Variants in LOXL2 observed in about 807,000 individuals in gnomAD.
LOXL2 encodes lysyl oxidase like 2, also known as lysyl oxidase homolog 2.
LOXL2 carries 70 observed loss-of-function variants against 93.0 expected under a neutral mutation model. The observed-to-expected ratio is 0.75, with a 90% CI of 0.62 to 0.92. The LOEUF (loss-of-function observed/expected upper bound fraction) is 0.92, where lower values mean the gene tolerates loss of function less well. Ranked by LOEUF, LOXL2 falls within the 40% of genes least tolerant of loss-of-function variation. The pLI is 0.00. For missense variants in LOXL2, 973 were observed against 1,054.9 expected (o/e 0.92, Z 1.08); for synonymous variants, 438 against 413.2 (o/e 1.06, Z -0.73).
Position 23,322,150 on chromosome 8 carries a change from C to A in LOXL2, c.1282G>T (p.Ala428Ser), listed in dbSNP as rs1172037626. 6.2e-7 allele frequency: 1 copy of A among 1,614,182 alleles called. No homozygotes were observed. Among genetic ancestry groups the A allele is most frequent in the East Asian group, 2.2e-5 (1 of 44,888 alleles). Residue 428 changes from alanine (A) to serine (S), a missense_variant, in exon 7 of 14, where the codon GCC (alanine) becomes TCC (serine). Physicochemically the swap from Ala to Ser is moderately conservative, Grantham distance 99. Coordinates refer to ENST00000389131, the MANE Select transcript of LOXL2 (RefSeq NM_002318.3). ...ATCACCTTCTTCTGCAAGCCCATGGCAGGGGTGTTGCATCTCACACCAGCA... is the reference window on the plus strand; with the variant it reads ...ATCACCTTCTTCTGCAAGCCCATGGAAGGGGTGTTGCATCTCACACCAGCA... Reference protein sequence around the residue: ...EDAGVRCNTPAMGLQKKLRLN... With the variant: ...EDAGVRCNTPSMGLQKKLRLN...
intron 5 of LOXL2, chr8:23,328,992 C>G (rs1803632855): frequency 5.7e-6 from 1 of 176,826 alleles, no homozygotes; most frequent in Admixed American, 6.1e-5. Context: ...TCTGCAGATT[C>G]CAAATGGATA....
At chr8:23,351,924 C>G (rs897291889) in intron 3 of LOXL2, among the ~76,000 whole-genome samples, 1 of 152,180 alleles carries the variant, frequency 6.6e-6, no homozygotes, top group Non-Finnish European at 1.5e-5. Flanking sequence ...CTCCTGGGTT[C>G]AAGCGATTCT....
At chr8:23,371,966 G>C (rs1804503331) in intron 1 of LOXL2, among the ~76,000 whole-genome samples, 2 of 151,718 alleles carry the variant, frequency 1.3e-5, no homozygotes, top group Admixed American at 6.6e-5. Context: ...TGAAAGAAAA[G>C]TACAACTAAC....
intron 5 of LOXL2, among the ~76,000 whole-genome samples, chr8:23,332,583 T>TC (rs200165321): frequency 1.9e-4 from 6 of 32,418 alleles, no homozygotes; most frequent in Admixed American, 4.5e-4. Flanking sequence ...CACGCACACA[T>TC]CCCCCCCAGA....
At chr8:23,345,622 C>A (rs1243617653) in intron 3 of LOXL2, among the ~76,000 whole-genome samples, 1 of 152,242 alleles carries the variant, frequency 6.6e-6, no homozygotes, top group Non-Finnish European at 1.5e-5. Context: ...CTTTACTTCA[C>A]TGCTGTGGAA....
chr8:23,318,868 AG>A (rs1259288301), intron 8 of LOXL2, among the ~76,000 whole-genome samples: 1 of 152,240 alleles, frequency 6.6e-6, no homozygotes, highest in Admixed American at 6.5e-5. Flanking sequence ...GCCACAGGGC[AG>A]GGGATCCCAG....
chr8:23,362,593 G>T (rs979650069), intron 2 of LOXL2, among the ~76,000 whole-genome samples: 3 of 152,088 alleles, frequency 2.0e-5, no homozygotes, highest in Admixed American at 6.5e-5. Flanking sequence ...ATTTAGCTGG[G>T]CATGGTGGCG....
intron 1 of LOXL2, among the ~76,000 whole-genome samples, chr8:23,387,955 A>G (rs1261472991): frequency 1.3e-5 from 2 of 152,220 alleles, no homozygotes; most frequent in African/African-American, 4.8e-5. Flanking sequence ...GTCTCAAACA[A>G]ACAAACAAAA....
intron 10 of LOXL2, among the ~76,000 whole-genome samples, chr8:23,309,046 G>A (rs1374253093): frequency 4.6e-5 from 7 of 150,648 alleles, no homozygotes; most frequent in African/African-American, 1.7e-4. Context: ...GTGTGGTGGC[G>A]TGATCTCAGC....
At position 23,309,709 on chromosome 8, in the gene LOXL2, G is replaced by A; in HGVS notation, c.1839C>T (p.Pro613=). ...IHNNGQSDFR[P]KNGRHAWIWH... ...AGATCCACGCGTGGCGGCCGTTCTT[G>A]GGCCGGAAGTCGGACTGGCCATTGT... is the stretch of plus-strand genomic sequence containing the variant. The change falls in exon 10 of 14, where the codon CCC becomes CCT. Residue 613 remains proline, a synonymous_variant. Coordinates refer to ENST00000389131, the MANE Select transcript of LOXL2 (RefSeq NM_002318.3). 1 of 1,566,218 alleles carries A rather than the reference G, an allele frequency of 6.4e-7. No homozygotes were observed. The highest frequency in any genetic ancestry group is 8.7e-7 in the Non-Finnish European group (1 of 1,154,506).
At chr8:23,396,375 T>G (rs1585385947) in intron 1 of LOXL2, among the ~76,000 whole-genome samples, 1 of 148,864 alleles carries the variant, frequency 6.7e-6, no homozygotes, top group African/African-American at 2.5e-5. Flanking sequence ...AGAGATCAGG[T>G]GGGAAGGGAA....
At chr8:23,303,239 G>T in intron 11 of LOXL2, 43 bp downstream of exon 11, 3 of 1,226,350 alleles carry the variant, frequency 2.4e-6, no homozygotes, top group Non-Finnish European at 2.4e-6. Context: ...AGAGGCATTC[G>T]AGTCCCTCTG....
intron 1 of LOXL2, 28 bp from the exon 2 acceptor site, chr8:23,368,462 TG>T: frequency 1.2e-6 from 1 of 850,498 alleles, no homozygotes; most frequent in Non-Finnish European, 1.9e-6. Flanking sequence ...TGCGTTAGGA[TG>T]GGAACGTGGG....
chr8:23,386,114 A>G, intron 1 of LOXL2: 1 of 751,130 alleles, frequency 1.3e-6, no homozygotes, highest in Non-Finnish European at 2.4e-6. Context: ...AAAGTGATCA[A>G]GCTGGAATTT....
intron 6 of LOXL2, among the ~76,000 whole-genome samples, chr8:23,326,050 C>A (rs558574789): frequency 6.6e-6 from 1 of 152,318 alleles, no homozygotes; most frequent in East Asian, 1.9e-4. Context: ...CCCTTTCATG[C>A]CTCGTGGCTG....
intron 1 of LOXL2, among the ~76,000 whole-genome samples, chr8:23,395,062 T>A (rs1438163770): frequency 6.6e-6 from 1 of 152,148 alleles, no homozygotes; most frequent in Admixed American, 6.5e-5. Flanking sequence ...GAGACCATCC[T>A]GGCCAACATG....
intron 3 of LOXL2, among the ~76,000 whole-genome samples, chr8:23,347,441 T>C (rs1312854228): frequency 6.6e-6 from 1 of 152,050 alleles, no homozygotes; most frequent in East Asian, 1.9e-4. Context: ...GCAGATTATT[T>C]GAGCTCAGGA....
Position 23,385,244 on chromosome 8 carries a change from CTTTTTTT to C in LOXL2, c.-83-16817_-83-16811del, listed in dbSNP as rs67050683. 2.3e-5 allele frequency among the ~76,000 whole-genome samples: 3 copies of C among 132,782 alleles called. 1 individual carries two copies. The highest frequency in any genetic ancestry group is 8.5e-5 in the African/African-American group (3 of 35,472). 87.1% of individuals were successfully genotyped at this position (132,782 alleles called of 152,430 possible). A position where few individuals can be genotyped will look rare whatever the true frequency, so the allele number is the denominator to read the frequency against. On this transcript the variant is annotated intron_variant, in intron 1 of 13. Coordinates refer to ENST00000389131, the MANE Select transcript of LOXL2 (RefSeq NM_002318.3). ...TGGAAGAGAAAGTTGGATTTTTTTT[CTTTTTTT>C]TTTTTTTTTTGAGACAGAGCTTTTC...
intron 12 of LOXL2, among the ~76,000 whole-genome samples, chr8:23,300,419 T>C (rs1030068991): frequency 1.3e-5 from 2 of 152,222 alleles, no homozygotes; most frequent in Admixed American, 1.3e-4. Context: ...CTCTGAGCTC[T>C]GCACAGGTCC....
Sources: gnomAD v4.1 joint callset for allele counts (sites outside exome capture counted in the v4.1 genomes callset) on GRCh38, gnomAD v4.1.1 for gene constraint, MANE v1.5 for transcripts, NCBI Gene and HGNC (gene_info 2026-07-23, HGNC 2026-07-21) for gene names.